Variants in PCDHGB1 observed in about 807,000 individuals in gnomAD.
PCDHGB1 encodes the protein protocadherin gamma-B1.
In PCDHGB1, 34 loss-of-function variants were observed where a neutral mutation model predicts 56.6. That is an observed-to-expected ratio of 0.60 (90% CI 0.46 to 0.80). PCDHGB1 has a LOEUF of 0.80. Among genes scored for constraint, PCDHGB1 ranks in the 30% least tolerant of loss-of-function variants. The pLI is 0.00. For synonymous variants in PCDHGB1, 561 were observed against 505.9 expected (o/e 1.11, Z -1.46); for missense variants, 1,278 against 1,204.6 (o/e 1.06, Z -0.90).
chr5:141,499,689 C>CTTTT (rs545067566), intron 2 of PCDHGB1, among the ~76,000 whole-genome samples: 17 of 119,848 alleles, frequency 1.4e-4, no homozygotes, highest in East Asian at 2.4e-4. Context: ...TAACAGATGA[C>CTTTT]TTTTTTTTTT....
intron 2 of PCDHGB1, among the ~76,000 whole-genome samples, chr5:141,505,145 G>A (rs540889707): frequency 1.3e-5 from 2 of 152,288 alleles, no homozygotes; most frequent in East Asian, 3.9e-4. Flanking sequence ...CTGGATGACA[G>A]AGTAAGACCC....
At chr5:141,356,834 A>G (rs1052476290) in intron 1 of PCDHGB1, 8 of 1,614,166 alleles carry the variant, frequency 5.0e-6, no homozygotes, top group Non-Finnish European at 5.9e-6. Context: ...CTCAGCAGCA[A>G]TGTGTCACTG....
intron 1 of PCDHGB1, chr5:141,433,015 C>T (rs2154555449): frequency 2.5e-6 from 4 of 1,614,172 alleles, no homozygotes; most frequent in South Asian, 2.2e-5. Flanking sequence ...TCCTGCAGAC[C>T]TATTCCCACG....
intron 1 of PCDHGB1, among the ~76,000 whole-genome samples, chr5:141,467,758 C>CTCAA (rs933308513): frequency 6.6e-5 from 10 of 152,018 alleles, no homozygotes; most frequent in Admixed American, 5.9e-4. Flanking sequence ...GCCTCACATG[C>CTCAA]TCAAGTGCCC....
chr5:141,414,222 A>G lies in PCDHGB1; in HGVS notation c.2409+61553A>G, dbSNP rs1038407271. 3.7e-6 allele frequency: 6 copies of G among 1,613,316 alleles called. No individual in the cohort carries two copies. The African/African-American group carries it at 5.3e-5, about 14-fold the overall frequency. On this transcript the variant is annotated intron_variant, in intron 1 of 3. Coordinates refer to ENST00000523390, the MANE Select transcript of PCDHGB1 (RefSeq NM_018922.3). ...TAGAAGATGTAAATGACAACAGTCC[A>G]GAGCTGACCATCACGTCTCTATTTA...
chr5:141,489,091 T>C lies in PCDHGB1; in HGVS notation c.2410-5716T>C. 1 of 333,052 alleles carries C rather than the reference T, an allele frequency of 3.0e-6. No individual in the cohort carries two copies. The highest frequency in any genetic ancestry group is 5.5e-6 in the Non-Finnish European group (1 of 181,380). 20.6% of individuals were successfully genotyped at this position (333,052 alleles called of 1,614,324 possible). On this transcript the variant is annotated intron_variant, in intron 1 of 3. Coordinates refer to ENST00000523390, the MANE Select transcript of PCDHGB1 (RefSeq NM_018922.3). This position sits in a 1 kb window ranked among gnomAD's most constrained non-coding sequence, Gnocchi z 4.5. ...CTGCCCACCCCCGCCACTCGGTGAC[T>C]AAGAACTGCTGCAAGCAGGCAAACC...
Position 141,415,348 on chromosome 5 carries a change from A to G in PCDHGB1, c.2409+62679A>G, listed in dbSNP as rs561851810. ...GGCGCACAGGCTGCGGCGCTGGCAC[A>G]AGTCACGCCTGCTGCAGGCTTCAGG... On this transcript the variant is annotated intron_variant, in intron 1 of 3. Transcript: ENST00000523390. The G allele has an allele frequency of 3.1e-6, 5 of 1,614,222 alleles. 1 individual carries two copies. The highest frequency in any genetic ancestry group is 1.6e-4 in the Middle Eastern group (1 of 6,062).
intron 1 of PCDHGB1, among the ~76,000 whole-genome samples, chr5:141,372,993 T>G (rs977934205): frequency 1.3e-5 from 2 of 152,356 alleles, no homozygotes; most frequent in African/African-American, 4.8e-5. Context: ...TTGCAGTTGT[T>G]CTTTCATAGA....
At chr5:141,392,852 G>A in intron 1 of PCDHGB1, 3 of 1,611,984 alleles carry the variant, frequency 1.9e-6, no homozygotes, top group Non-Finnish European at 2.5e-6. Context: ...GCGGCGAGCT[G>A]ATCCTGCTGT....
At chr5:141,466,993 T>G (rs2099133598) in intron 1 of PCDHGB1, among the ~76,000 whole-genome samples, 1 of 152,148 alleles carries the variant, frequency 6.6e-6, no homozygotes, top group African/African-American at 2.4e-5. Context: ...CCTTTTGGCA[T>G]TTTTTTGCAA....
chr5:141,506,207 TTGGGAAGCTGAG>T (rs1487107822), intron 3 of PCDHGB1, among the ~76,000 whole-genome samples: 1 of 152,020 alleles, frequency 6.6e-6, no homozygotes, highest in Non-Finnish European at 1.5e-5. Flanking sequence ...TCCCAGCACT[TTGGGAAGCTGAG>T]GCAGGAGGAT....
intron 1 of PCDHGB1, among the ~76,000 whole-genome samples, chr5:141,456,690 C>T (rs893478646): frequency 7.2e-5 from 11 of 152,218 alleles, no homozygotes; most frequent in Admixed American, 5.2e-4. Flanking sequence ...ACTGGCCAGG[C>T]GTGGTGGCTC....
chr5:141,352,565 G>T lies in PCDHGB1; in HGVS notation c.2305G>T (p.Glu769Ter), dbSNP rs1190505525. 1.2e-6 allele frequency: 2 copies of T among 1,613,802 alleles called. No individual in the cohort carries two copies. The highest frequency in any genetic ancestry group is 1.3e-5 in the African/African-American group (1 of 74,910). Residue 769 changes from glutamate to a stop codon, truncating the protein, a stop_gained, in exon 1 of 4, where the codon GAA (glutamate) becomes TAA (stop). Coordinates refer to ENST00000523390, the MANE Select transcript of PCDHGB1 (RefSeq NM_018922.3). LOFTEE classifies it high-confidence loss of function. Reference protein sequence around the residue: ...TEFNSLNLTPEMAPPQDLLCD... With the variant: ...TEFNSLNLTP ...GTTTAATTCTCTCAACCTGACACCG[G>T]AAATGGCTCCCCCTCAGGATCTGCT...
intron 1 of PCDHGB1, chr5:141,427,927 T>C (rs1238523389): frequency 6.3e-7 from 1 of 1,580,112 alleles, no homozygotes; most frequent in Non-Finnish European, 8.7e-7. Context: ...AGCCGGCGCA[T>C]GTTGGTGGGC....
chr5:141,491,136 G>A lies in PCDHGB1; in HGVS notation c.2410-3671G>A, dbSNP rs769904518. On this transcript the variant is annotated intron_variant, in intron 1 of 3. Coordinates refer to ENST00000523390, the MANE Select transcript of PCDHGB1 (RefSeq NM_018922.3). This position sits in a 1 kb window ranked among gnomAD's most constrained non-coding sequence, Gnocchi z 6.9. ...ACACTGGTGAGGTGCGCACAGCCCG[G>A]GCCTTACTGGAGGATGACTCTGACA... The A allele has an allele frequency of 2.4e-5, 38 of 1,614,030 alleles. 1 individual carries two copies. The South Asian group carries it at 4.1e-4, about 17-fold the overall frequency.
rs13436338 is a variant in PCDHGB1, at chr5:141,468,261, G to A, written c.2410-26546G>A. On this transcript the variant is annotated intron_variant, in intron 1 of 3. Coordinates refer to ENST00000523390, the MANE Select transcript of PCDHGB1 (RefSeq NM_018922.3). ...AATTGCCTGAACCTGGGAGGCAGAG[G>A]TTGTGGTGAGCCGAGACCACGCCAT... Among the ~76,000 whole-genome samples, 391 of 149,216 alleles carry A rather than the reference G, an allele frequency of 2.6e-3. 2 individuals are homozygous for A. Among genetic ancestry groups the A allele is most frequent in the African/African-American group, 9.3e-3 (377 of 40,498 alleles).
At chr5:141,394,057 T>C (rs1318938543) in intron 1 of PCDHGB1, 1 of 1,613,750 alleles carries the variant, frequency 6.2e-7, no homozygotes, top group East Asian at 2.2e-5. Flanking sequence ...CGAGAAAATG[T>C]CTCTATCTAC....
At chr5:141,380,834 G>T (rs559775684) in intron 1 of PCDHGB1, among the ~76,000 whole-genome samples, 2 of 152,154 alleles carry the variant, frequency 1.3e-5, no homozygotes, top group Admixed American at 1.3e-4. Flanking sequence ...TGAGGCATCA[G>T]GTAAAAATGG....
intron 1 of PCDHGB1, among the ~76,000 whole-genome samples, chr5:141,446,621 C>G (rs1284919173): frequency 6.6e-6 from 1 of 152,094 alleles, no homozygotes; most frequent in African/African-American, 2.4e-5. Context: ...GGACTACAGG[C>G]GTGCACCACC....
Sources: gnomAD v4.1 joint callset for allele counts (sites outside exome capture counted in the v4.1 genomes callset) on GRCh38, gnomAD v4.1.1 for gene constraint, Gnocchi (gnomAD v3.1) non-coding constraint, MANE v1.5 for transcripts, NCBI Gene and HGNC (gene_info 2026-07-23, HGNC 2026-07-21) for gene names.